The following DRC11 variants were observed in gnomAD, a reference collection of about 807,000 sequenced individuals.
DRC11 encodes IQ and AAA domain-containing protein 1.
At chr2:236,460,538 T>A in the DRC11 span, among the ~76,000 whole-genome samples, 2 of 152,166 alleles carry the variant, frequency 1.3e-5, no homozygotes, top group Admixed American at 6.5e-5. This position sits in a 1 kb window ranked among gnomAD's most constrained non-coding sequence, Gnocchi z 4.0. Context: ...GTCTTAAAAA[T>A]GTAAAATCAA....
At chr2:236,422,864 A>G in the DRC11 span, among the ~76,000 whole-genome samples, 32 of 151,758 alleles carry the variant, frequency 2.1e-4, no homozygotes, top group Non-Finnish European at 1.6e-4. Context: ...ATATAGATCA[A>G]TGGAACAGAA....
chr2:236,419,136 A>C, the DRC11 span: 1 of 1,513,584 alleles, frequency 6.6e-7, no homozygotes, highest in Non-Finnish European at 8.8e-7. The surrounding 1 kb of genome is among the most constrained non-coding windows in gnomAD (Gnocchi z 4.8). Context: ...AAAATTTCAT[A>C]CAAATATTTT....
chr2:236,350,644 AC>A, the DRC11 span, among the ~76,000 whole-genome samples: 3 of 152,126 alleles, frequency 2.0e-5, no homozygotes, highest in African/African-American at 7.2e-5. The surrounding 1 kb of genome is among the most constrained non-coding windows in gnomAD (Gnocchi z 5.2). Flanking sequence ...TGGGAGCGGG[AC>A]CTGGGTCTGC....
At chr2:236,308,043 T>A in the DRC11 span, among the ~76,000 whole-genome samples, 2 of 152,184 alleles carry the variant, frequency 1.3e-5, no homozygotes, top group Non-Finnish European at 2.9e-5. This position sits in a 1 kb window ranked among gnomAD's most constrained non-coding sequence, Gnocchi z 6.0. Context: ...GCAGGCGTCC[T>A]CGTGTGCTTG....
chr2:236,438,592 A>G, the DRC11 span, among the ~76,000 whole-genome samples: 1 of 152,054 alleles, frequency 6.6e-6, no homozygotes, highest in Non-Finnish European at 1.5e-5. Flanking sequence ...ATGTTCTTCC[A>G]TTTGTTTGTA....
chr2:236,499,890 T>A, the DRC11 span, among the ~76,000 whole-genome samples: 5 of 152,158 alleles, frequency 3.3e-5, no homozygotes, highest in Admixed American at 2.0e-4. The surrounding 1 kb of genome is among the most constrained non-coding windows in gnomAD (Gnocchi z 4.7). Context: ...TCTTCTACAT[T>A]CCCAAGTCAT....
the DRC11 span, among the ~76,000 whole-genome samples, chr2:236,390,150 G>A: frequency 2.6e-5 from 4 of 152,082 alleles, no homozygotes; most frequent in East Asian, 7.7e-4. The surrounding 1 kb of genome is among the most constrained non-coding windows in gnomAD (Gnocchi z 5.9). Context: ...CATATATTTA[G>A]GTGCTTTGAT....
chr2:236,480,832 T>G, the DRC11 span, among the ~76,000 whole-genome samples: 1 of 152,226 alleles, frequency 6.6e-6, no homozygotes, highest in Non-Finnish European at 1.5e-5. Flanking sequence ...TTTATTCCAG[T>G]CTTTTCTGTT....
the DRC11 span, among the ~76,000 whole-genome samples, chr2:236,496,226 T>C: frequency 6.6e-6 from 1 of 152,190 alleles, no homozygotes; most frequent in Non-Finnish European, 1.5e-5. This position sits in a 1 kb window ranked among gnomAD's most constrained non-coding sequence, Gnocchi z 6.3. Context: ...AGAATAATCA[T>C]CAACATTTTC....
At chr2:236,447,826 G>A in the DRC11 span, among the ~76,000 whole-genome samples, 1 of 151,828 alleles carries the variant, frequency 6.6e-6, no homozygotes, top group Non-Finnish European at 1.5e-5. The surrounding 1 kb of genome is among the most constrained non-coding windows in gnomAD (Gnocchi z 4.6). Flanking sequence ...GCCCAATCGA[G>A]GAGTCGGCTT....
chr2:236,459,492 CG>C, the DRC11 span, among the ~76,000 whole-genome samples: 2 of 127,242 alleles, frequency 1.6e-5, no homozygotes, highest in African/African-American at 5.7e-5. Context: ...AATATGTATA[CG>C]TATATATGTA....
chr2:236,418,075 C>T, the DRC11 span, among the ~76,000 whole-genome samples: 225 of 152,158 alleles, frequency 1.5e-3, no homozygotes, highest in Middle Eastern at 0.02. Flanking sequence ...ATTTATAATC[C>T]TTTGGGTATA....
At chr2:236,491,271 T>TATACAC in the DRC11 span, among the ~76,000 whole-genome samples, 15 of 67,422 alleles carry the variant, frequency 2.2e-4, no homozygotes, top group African/African-American at 1.0e-3. Context: ...TATATATATA[T>TATACAC]ACACACAGTA....
the DRC11 span, among the ~76,000 whole-genome samples, chr2:236,394,851 C>T: frequency 9.9e-5 from 15 of 152,190 alleles, no homozygotes; most frequent in South Asian, 4.1e-4. The surrounding 1 kb of genome is among the most constrained non-coding windows in gnomAD (Gnocchi z 7.0). Flanking sequence ...ACCAGCAAAC[C>T]GAAGGGCAGG....
chr2:236,500,918 G>A, the DRC11 span, among the ~76,000 whole-genome samples: 1,986 of 152,120 alleles, frequency 0.013, 49 homozygotes, highest in African/African-American at 0.045. This position sits in a 1 kb window ranked among gnomAD's most constrained non-coding sequence, Gnocchi z 6.3. Flanking sequence ...GCCTGGTCTC[G>A]AACTCCCAAC....
chr2:236,416,721 T>TTA, the DRC11 span, among the ~76,000 whole-genome samples: 404 of 63,982 alleles, frequency 6.3e-3, 4 homozygotes, highest in East Asian at 0.011. Context: ...ATATATATAT[T>TTA]TATATATATA....
chr2:236,427,169 A>G, the DRC11 span, among the ~76,000 whole-genome samples: 1 of 152,050 alleles, frequency 6.6e-6, no homozygotes, highest in African/African-American at 2.4e-5. The surrounding 1 kb of genome is among the most constrained non-coding windows in gnomAD (Gnocchi z 5.9). Flanking sequence ...GTGCTCTTGA[A>G]TTTGGTTTGC....
the DRC11 span, among the ~76,000 whole-genome samples, chr2:236,476,866 T>A: frequency 1.3e-5 from 2 of 152,214 alleles, no homozygotes; most frequent in Non-Finnish European, 2.9e-5. This position sits in a 1 kb window ranked among gnomAD's most constrained non-coding sequence, Gnocchi z 4.7. Flanking sequence ...AAGCCCCACA[T>A]GCATTAGCTA....
At chr2:236,474,230 GAAGA>G in the DRC11 span, among the ~76,000 whole-genome samples, 1 of 151,964 alleles carries the variant, frequency 6.6e-6, no homozygotes, top group African/African-American at 2.4e-5. Flanking sequence ...AAAGCAAACT[GAAGA>G]AAGTCACATT....
Sources: gnomAD v4.1 joint callset for allele counts (sites outside exome capture counted in the v4.1 genomes callset) on GRCh38, gnomAD v4.1.1 for gene constraint, Gnocchi (gnomAD v3.1) non-coding constraint, MANE v1.5 for transcripts, NCBI Gene and HGNC (gene_info 2026-07-23, HGNC 2026-07-21) for gene names.